Variants in FMN1 observed in about 807,000 individuals in gnomAD.
FMN1 encodes formin-1.
In FMN1, 110 loss-of-function variants were observed where a neutral mutation model predicts 132.4. That is an observed-to-expected ratio of 0.83 (90% CI 0.71 to 0.97). The LOEUF is 0.97. Among genes scored for constraint, FMN1 ranks in the 50% least tolerant of loss-of-function variants. The pLI, the probability that FMN1 is intolerant of heterozygous loss-of-function variation, is 0.00. For missense variants in FMN1, 1,792 were observed against 1,705.3 expected (o/e 1.05, Z -0.90); for synonymous variants, 722 against 651.7 (o/e 1.11, Z -1.64).
intron 19 of FMN1, among the ~76,000 whole-genome samples, chr15:32,792,350 C>T (rs142988281): frequency 1.7e-4 from 25 of 150,974 alleles, no homozygotes; most frequent in South Asian, 1.0e-3. Context: ...GAGGCTGAGG[C>T]AGGAGAATGG....
intron 7 of FMN1, among the ~76,000 whole-genome samples, chr15:32,996,542 C>T (rs1453387167): frequency 6.6e-6 from 1 of 152,160 alleles, no homozygotes; most frequent in Non-Finnish European, 1.5e-5. Context: ...AGAGGCAGTT[C>T]AGTGTACAGG....
intron 4 of FMN1, chr15:33,105,908 G>A (rs931452627): frequency 1.3e-5 from 2 of 152,094 alleles, no homozygotes; most frequent in African/African-American, 4.8e-5. Flanking sequence ...TCCTATTAGT[G>A]AGAAAGGGTT....
chr15:33,100,371 T>G (rs1380908190), intron 4 of FMN1, among the ~76,000 whole-genome samples: 1 of 152,172 alleles, frequency 6.6e-6, no homozygotes, highest in Admixed American at 6.5e-5. Flanking sequence ...ACTCAAAGGT[T>G]TCTGGTAAAG....
At chr15:32,863,353 G>T (rs2059318098) in intron 16 of FMN1, among the ~76,000 whole-genome samples, 1 of 152,194 alleles carries the variant, frequency 6.6e-6, no homozygotes, top group African/African-American at 2.4e-5. Flanking sequence ...AGAATGGCGT[G>T]AACCCGGGAG....
intron 15 of FMN1, among the ~76,000 whole-genome samples, chr15:32,894,258 G>A (rs1483891586): frequency 6.6e-6 from 1 of 152,150 alleles, no homozygotes; most frequent in African/African-American, 2.4e-5. Flanking sequence ...GCCAAGGCGG[G>A]TGGATCACTT....
intron 4 of FMN1, among the ~76,000 whole-genome samples, chr15:33,089,374 G>A (rs1322849673): frequency 6.6e-6 from 1 of 152,208 alleles, no homozygotes; most frequent in South Asian, 2.1e-4. Context: ...CTCCAGGGCA[G>A]GAACTGTGCC....
At chr15:33,179,837 A>G (rs1191606223) in intron 3 of FMN1, among the ~76,000 whole-genome samples, 2 of 152,246 alleles carry the variant, frequency 1.3e-5, no homozygotes, top group Non-Finnish European at 2.9e-5. Flanking sequence ...TATTTTTAAT[A>G]GGAATAGAAA....
Position 32,863,389 on chromosome 15 carries a change from G to A in FMN1, c.3836-6282C>T, listed in dbSNP as rs1462322979. Among the ~76,000 whole-genome samples the A allele has an allele frequency of 1.7e-4, 26 of 152,258 alleles. No homozygotes were observed. In the East Asian group the frequency reaches 4.8e-3, roughly 28 times the overall value. On this transcript the variant is annotated intron_variant, in intron 16 of 20. Transcript: ENST00000616417. Reference sequence around the variant, plus strand: ...GCGGAGCTTGCAGTGAGCCGAGATTGTGCCACTGCACTCCAGCCTGGGCGA... The same window carrying A: ...GCGGAGCTTGCAGTGAGCCGAGATTATGCCACTGCACTCCAGCCTGGGCGA...
In FMN1 at chr15:32,767,139, T is replaced by C. The variant is rs1385328432; in HGVS notation, c.*7171A>G. 3 of 152,124 alleles carry C rather than the reference T, an allele frequency of 2.0e-5. No individual in the cohort carries two copies. Among genetic ancestry groups the C allele is most frequent in the East Asian group, 1.9e-4 (1 of 5,190 alleles). 9.4% of individuals were successfully genotyped at this position (152,124 alleles called of 1,614,324 possible). A position where few individuals can be genotyped will look rare whatever the true frequency, so the allele number is the denominator to read the frequency against. On this transcript the variant is annotated 3_prime_UTR_variant, in exon 21 of 21. Coordinates refer to ENST00000616417, the MANE Select transcript of FMN1 (RefSeq NM_001277313.2). Reference sequence around the variant, plus strand: ...TCCACGATACGACCATGGCAAAAAATCACCAGCTCCCTAACAATGTAATCT... The same window carrying C: ...TCCACGATACGACCATGGCAAAAAACCACCAGCTCCCTAACAATGTAATCT...
At chr15:32,912,468 A>C (rs1224823040) in intron 10 of FMN1, among the ~76,000 whole-genome samples, 1 of 152,250 alleles carries the variant, frequency 6.6e-6, no homozygotes, top group Non-Finnish European at 1.5e-5. Context: ...AGTGCAAAGT[A>C]CTTAATTAAT....
chr15:32,890,441 G>T (rs1387081780), intron 15 of FMN1, among the ~76,000 whole-genome samples: 1 of 152,146 alleles, frequency 6.6e-6, no homozygotes, highest in Non-Finnish European at 1.5e-5. Context: ...TCTGTTTTCT[G>T]ATTTTTTGAT....
chr15:32,774,363 G>GAA lies in FMN1; in HGVS notation c.4216-11_4216-10dup. The stretch of plus-strand genomic sequence containing the variant: ...TGACGCAGTCTTTCTTTCTGTTAAG[G>GAA]AAAAAAAAATGAATGTATCATTTTC... On this transcript the variant is annotated splice_polypyrimidine_tract_variant and intron_variant, in intron 20 of 20. Coordinates refer to ENST00000616417, the MANE Select transcript of FMN1 (RefSeq NM_001277313.2). 3.3e-6 allele frequency: 5 copies of GAA among 1,531,718 alleles called. No individual in the cohort carries two copies. The highest frequency in any genetic ancestry group is 2.0e-5 in the Admixed American group (1 of 49,312). 94.9% of individuals were successfully genotyped at this position (1,531,718 alleles called of 1,614,324 possible). A position where few individuals can be genotyped will look rare whatever the true frequency, so the allele number is the denominator to read the frequency against.
At chr15:33,099,178 C>G (rs1439567379) in intron 4 of FMN1, among the ~76,000 whole-genome samples, 1 of 152,138 alleles carries the variant, frequency 6.6e-6, no homozygotes, top group African/African-American at 2.4e-5. Context: ...GTAGTCTCAG[C>G]TACTCTGGAG....
At chr15:32,988,840 T>A (rs4780060) in intron 7 of FMN1, among the ~76,000 whole-genome samples, 21,582 of 152,208 alleles carry the variant, frequency 0.14, 1,921 homozygotes, top group East Asian at 0.2. Flanking sequence ...TAGCTCCCCA[T>A]CTATAAAATG....
chr15:32,781,040 T>A (rs1052181828), intron 19 of FMN1, among the ~76,000 whole-genome samples: 1 of 152,206 alleles, frequency 6.6e-6, no homozygotes, highest in Non-Finnish European at 1.5e-5. Context: ...CCAAGTAGAA[T>A]TTCATTTTAT....
chr15:32,951,740 T>C (rs1343188501), intron 9 of FMN1, among the ~76,000 whole-genome samples: 1 of 152,212 alleles, frequency 6.6e-6, no homozygotes, highest in African/African-American at 2.4e-5. Context: ...GACATTAATA[T>C]TACTCTTTCT....
At chr15:33,100,782 A>G (rs895622687) in intron 4 of FMN1, among the ~76,000 whole-genome samples, 5 of 152,222 alleles carry the variant, frequency 3.3e-5, no homozygotes, top group African/African-American at 1.2e-4. Context: ...TCTATTACAA[A>G]TATACAAGGT....
rs115384566 is a variant in FMN1, at chr15:32,950,451, A to G, written c.3138+13656T>C. On this transcript the variant is annotated intron_variant, in intron 9 of 20. Transcript: ENST00000616417. ...GGAATCAACCTATAGATGCCCATCA[A>G]TGACAGACTGGATTTTAAAAAATGT... Among the ~76,000 whole-genome samples the G allele has an allele frequency of 6.9e-3, 1,048 of 152,250 alleles. 6 individuals are homozygous for G. The highest frequency in any genetic ancestry group is 0.012 in the Admixed American group (191 of 15,286).
At chr15:32,818,317 A>G (rs1049637580) in intron 17 of FMN1, among the ~76,000 whole-genome samples, 2 of 152,156 alleles carry the variant, frequency 1.3e-5, no homozygotes, top group African/African-American at 4.8e-5. Flanking sequence ...TTGAAAAATT[A>G]GCCTTTATTT....
Sources: gnomAD v4.1 joint callset for allele counts (sites outside exome capture counted in the v4.1 genomes callset) on GRCh38, gnomAD v4.1.1 for gene constraint, MANE v1.5 for transcripts, NCBI Gene and HGNC (gene_info 2026-07-23, HGNC 2026-07-21) for gene names.